AGTPBP1: variants seen among roughly 807,000 people sequenced by gnomAD.
AGTPBP1 encodes ATP/GTP binding carboxypeptidase 1, also known as cytosolic carboxypeptidase 1.
Under a neutral mutation model 143.9 loss-of-function variants are expected in AGTPBP1, and 70 were observed. The observed-to-expected ratio is 0.49, with a 90% CI of 0.40 to 0.59. AGTPBP1 has a LOEUF of 0.59. Ranked by LOEUF, AGTPBP1 falls within the 20% of genes least tolerant of loss-of-function variation. The pLI, the probability that AGTPBP1 is intolerant of heterozygous loss-of-function variation, is 0.00. For synonymous variants in AGTPBP1, 463 were observed against 500.2 expected, an observed-to-expected ratio of 0.93 and a Z score of 0.99; for missense variants, 1,229 against 1,464.5, an observed-to-expected ratio of 0.84 and a Z score of 2.62.
At chr9:85,657,358 C>T in intron 10 of AGTPBP1, 77 bp downstream of exon 10, 2 of 1,248,662 alleles carry the variant, frequency 1.6e-6, no homozygotes, top group Non-Finnish European at 2.2e-6. Context: ...TGAGTATTTG[C>T]ACACTAATTC....
At chr9:85,569,469 G>A (rs987144188) in intron 25 of AGTPBP1, among the ~76,000 whole-genome samples, 3 of 152,084 alleles carry the variant, frequency 2.0e-5, no homozygotes, top group African/African-American at 7.2e-5. Context: ...CCTGTATTGG[G>A]TGGGGGGAAG....
intron 17 of AGTPBP1, among the ~76,000 whole-genome samples, chr9:85,601,959 C>T (rs1829700637): frequency 6.6e-6 from 1 of 151,998 alleles, no homozygotes. Flanking sequence ...GCCACAGTGC[C>T]CTATCCAGCC....
chr9:85,754,796 A>G, the AGTPBP1 span, among the ~76,000 whole-genome samples: 57 of 152,302 alleles, frequency 3.7e-4, no homozygotes, highest in Non-Finnish European at 6.5e-4. Context: ...ACACACACCC[A>G]TTCCACCCAG....
At chr9:85,589,712 A>G (rs763867336) in intron 19 of AGTPBP1, 31 bp from the exon 20 acceptor site, 4 of 1,576,554 alleles carry the variant, frequency 2.5e-6, no homozygotes, top group South Asian at 1.2e-5. Flanking sequence ...AAAATATACA[A>G]TCACTTAAAA....
At chr9:85,732,431 G>A (rs1436573502) in intron 1 of AGTPBP1, among the ~76,000 whole-genome samples, 1 of 151,666 alleles carries the variant, frequency 6.6e-6, no homozygotes, top group Non-Finnish European at 1.5e-5. Flanking sequence ...AGCCAGGACG[G>A]GACTATGAAG....
At chr9:85,748,585 A>T in the AGTPBP1 span, among the ~76,000 whole-genome samples, 1 of 152,184 alleles carries the variant, frequency 6.6e-6, no homozygotes, top group African/African-American at 2.4e-5. Flanking sequence ...ATGGGGGAAA[A>T]ATGTAGTTCT....
upstream of AGTPBP1, among the ~76,000 whole-genome samples, chr9:85,742,223 T>A (rs547736528): frequency 2.0e-5 from 3 of 152,022 alleles, no homozygotes; most frequent in African/African-American, 7.2e-5. Flanking sequence ...GCGCTGCCGG[T>A]CCCTTGTACC....
intron 17 of AGTPBP1, among the ~76,000 whole-genome samples, chr9:85,603,386 G>T (rs1829791706): frequency 6.6e-6 from 1 of 151,934 alleles, no homozygotes; most frequent in African/African-American, 2.4e-5. Flanking sequence ...CAGGCCCCAG[G>T]TGACATTTCT....
intron 14 of AGTPBP1, among the ~76,000 whole-genome samples, chr9:85,622,964 A>G (rs1481377044): frequency 6.6e-6 from 1 of 152,234 alleles, no homozygotes; most frequent in East Asian, 1.9e-4. Flanking sequence ...ATTAATATTC[A>G]CAAAGGTTTG....
chr9:85,567,980 T>G (rs1827214958), intron 25 of AGTPBP1, among the ~76,000 whole-genome samples: 1 of 152,196 alleles, frequency 6.6e-6, no homozygotes, highest in Non-Finnish European at 1.5e-5. Flanking sequence ...CTAAACATAA[T>G]GTACTGAAAC....
At chr9:85,706,758 C>A (rs1225230349) in intron 2 of AGTPBP1, among the ~76,000 whole-genome samples, 1 of 151,878 alleles carries the variant, frequency 6.6e-6, no homozygotes, top group African/African-American at 2.4e-5. Flanking sequence ...CGCCTGCAAT[C>A]CCAGCTACTC....
intron 17 of AGTPBP1, among the ~76,000 whole-genome samples, chr9:85,607,970 C>T (rs1360632068): frequency 1.3e-5 from 2 of 152,094 alleles, no homozygotes; most frequent in Non-Finnish European, 2.9e-5. Flanking sequence ...ATTCAGGTGG[C>T]TGCCATTATC....
intron 3 of AGTPBP1, among the ~76,000 whole-genome samples, chr9:85,685,075 C>A (rs1351903565): frequency 1.3e-5 from 2 of 151,304 alleles, no homozygotes; most frequent in Non-Finnish European, 2.9e-5. Context: ...TAGAAATTAT[C>A]CAACCCAAAT....
At chr9:85,636,414 C>A (rs1832054087) in intron 13 of AGTPBP1, among the ~76,000 whole-genome samples, 1 of 151,946 alleles carries the variant, frequency 6.6e-6, no homozygotes, top group Non-Finnish European at 1.5e-5. Flanking sequence ...AGGCACGCAC[C>A]ACCACACCCA....
chr9:85,747,243 C>G, the AGTPBP1 span, among the ~76,000 whole-genome samples: 2 of 152,140 alleles, frequency 1.3e-5, no homozygotes, highest in African/African-American at 4.8e-5. Context: ...TATGTCTATC[C>G]TCATGCTAGT....
At chr9:85,759,949 C>A in the AGTPBP1 span, among the ~76,000 whole-genome samples, 1 of 152,076 alleles carries the variant, frequency 6.6e-6, no homozygotes, top group Non-Finnish European at 1.5e-5. Flanking sequence ...CACCACCGAT[C>A]CCACAGAAAT....
intron 21 of AGTPBP1, among the ~76,000 whole-genome samples, chr9:85,587,498 G>A (rs1828690024): frequency 6.6e-6 from 1 of 152,018 alleles, no homozygotes; most frequent in African/African-American, 2.4e-5. Context: ...ATCATAAAGT[G>A]ATGATAAATA....
At chr9:85,609,524 G>A (rs1032446059) in intron 17 of AGTPBP1, among the ~76,000 whole-genome samples, 5 of 151,990 alleles carry the variant, frequency 3.3e-5, no homozygotes, top group East Asian at 1.9e-4. Flanking sequence ...CTGGTGATCC[G>A]CCTGCCTTGG....
At chr9:85,686,422 T>A (rs1835491851) in intron 3 of AGTPBP1, among the ~76,000 whole-genome samples, 3 of 152,112 alleles carry the variant, frequency 2.0e-5, no homozygotes, top group African/African-American at 7.2e-5. Context: ...ATCATGTGAA[T>A]GCACTTGATT....
Sources: allele counts gnomAD v4.1 joint callset (sites outside exome capture counted in the v4.1 genomes callset), GRCh38; gene constraint gnomAD v4.1.1; transcripts MANE v1.5; gene names NCBI Gene and HGNC (gene_info 2026-07-23, HGNC 2026-07-21).